Variants in UNC13C observed in about 807,000 individuals in gnomAD.
The protein encoded by UNC13C is protein unc-13 homolog C.
UNC13C carries 174 observed loss-of-function variants against 245.4 expected under a neutral mutation model. That is an observed-to-expected ratio of 0.71 (90% CI 0.63 to 0.80). The LOEUF (loss-of-function observed/expected upper bound fraction) is 0.80, where lower values mean the gene tolerates loss of function less well. Ranked by LOEUF, UNC13C falls within the 30% of genes least tolerant of loss-of-function variation. The probability of loss-of-function intolerance (pLI) is 0.00; values close to 1 mark genes in which losing one functional copy is unlikely to be tolerated. For synonymous variants in UNC13C, 992 were observed against 895.1 expected, an observed-to-expected ratio of 1.11 and a Z score of -1.93; for missense variants, 2,829 against 2,602.9, an observed-to-expected ratio of 1.09 and a Z score of -1.89.
At chr15:54,247,279 G>C (rs556647602) in intron 7 of UNC13C, among the ~76,000 whole-genome samples, 1 of 152,032 alleles carries the variant, frequency 6.6e-6, no homozygotes, top group African/African-American at 2.4e-5. Context: ...TTTATTTAAT[G>C]CTTCTCGCTC....
intron 1 of UNC13C, among the ~76,000 whole-genome samples, chr15:53,985,805 T>G (rs1037474014): frequency 6.6e-6 from 1 of 152,230 alleles, no homozygotes; most frequent in African/African-American, 2.4e-5. Flanking sequence ...GTTCTGAGAC[T>G]ACTACTTTCG....
intron 2 of UNC13C, among the ~76,000 whole-genome samples, chr15:54,085,767 C>T (rs1029069949): frequency 2.6e-5 from 4 of 152,026 alleles, no homozygotes; most frequent in Admixed American, 6.6e-5. Flanking sequence ...AGACAAGGGT[C>T]GGGGTGCTGG....
intron 7 of UNC13C, among the ~76,000 whole-genome samples, chr15:54,243,360 C>T (rs1162605118): frequency 1.3e-5 from 2 of 152,078 alleles, no homozygotes; most frequent in African/African-American, 2.4e-5. Flanking sequence ...GTATATGTAG[C>T]ACATTTTCTT....
At chr15:54,602,400 CCTTA>C (rs1368469924) in intron 30 of UNC13C, among the ~76,000 whole-genome samples, 1 of 152,124 alleles carries the variant, frequency 6.6e-6, no homozygotes, top group African/African-American at 2.4e-5. Context: ...CCTGTGCCCT[CCTTA>C]CTTTCATGGA....
At chr15:54,443,607 A>G (rs1890649994) in intron 19 of UNC13C, among the ~76,000 whole-genome samples, 1 of 151,912 alleles carries the variant, frequency 6.6e-6, no homozygotes, top group East Asian at 1.9e-4. Flanking sequence ...CTGTGTTTCT[A>G]TTTTTATTTG....
intron 19 of UNC13C, among the ~76,000 whole-genome samples, chr15:54,493,296 T>C (rs904959003): frequency 2.0e-5 from 3 of 152,172 alleles, no homozygotes; most frequent in Admixed American, 2.0e-4. Context: ...AAATCTTGTT[T>C]GGGAGTTTGG....
At position 53,978,486 on chromosome 15, in the gene UNC13C, G is replaced by A. The variant is rs533937974; in HGVS notation, c.-698G>A. On this transcript the variant is annotated 5_prime_UTR_variant, in exon 1 of 33. Transcript: ENST00000260323. ...CGGCGATGTGTGAAGTTCCCAGCAC[G>A]CACTCAGCCCGGCTGCTCCTCACCC... Among the ~76,000 whole-genome samples the A allele has an allele frequency of 1.3e-5, 2 of 152,300 alleles. No individual in the cohort carries two copies. Among genetic ancestry groups the A allele is most frequent in the East Asian group, 1.9e-4 (1 of 5,164 alleles).
intron 29 of UNC13C, among the ~76,000 whole-genome samples, chr15:54,555,759 A>G (rs968317270): frequency 1.3e-5 from 2 of 152,068 alleles, no homozygotes; most frequent in Admixed American, 6.6e-5. Context: ...CATCCACAAT[A>G]GACTGTCCTT....
At chr15:54,060,246 A>G (rs996716927) in intron 2 of UNC13C, among the ~76,000 whole-genome samples, 13 of 152,246 alleles carry the variant, frequency 8.5e-5, no homozygotes, top group Admixed American at 4.6e-4. Context: ...TCCAGAATCT[A>G]CAATGAACTC....
chr15:54,391,208 A>G (rs961019900), intron 17 of UNC13C, among the ~76,000 whole-genome samples: 1 of 152,040 alleles, frequency 6.6e-6, no homozygotes, highest in Non-Finnish European at 1.5e-5. Flanking sequence ...TATGTAAGAC[A>G]TATATTTTGG....
rs1286399043 is a variant in UNC13C at position 54,518,438 on chromosome 15, C to T, written c.5457+6608C>T. Reference sequence around the variant, plus strand: ...CACCTCTCTCTGAACCTTAAGAAAACTTAAGGAGAAAGGACACATGCCCCA... The same window carrying T: ...CACCTCTCTCTGAACCTTAAGAAAATTTAAGGAGAAAGGACACATGCCCCA... On this transcript the variant is annotated intron_variant, in intron 24 of 32. Transcript: ENST00000260323. Among the ~76,000 whole-genome samples the T allele has an allele frequency of 2.0e-5, 3 of 152,124 alleles. No individual in the cohort carries two copies. The East Asian group carries it at 5.8e-4, about 29-fold the overall frequency.
At chr15:53,880,183 G>A in the UNC13C span, among the ~76,000 whole-genome samples, 2 of 152,048 alleles carry the variant, frequency 1.3e-5, no homozygotes, top group Admixed American at 6.6e-5. Flanking sequence ...TCTCCGAGAC[G>A]TATTTTCTAG....
At chr15:54,424,613 A>G (rs1352606577) in intron 19 of UNC13C, among the ~76,000 whole-genome samples, 1 of 151,882 alleles carries the variant, frequency 6.6e-6, no homozygotes, top group East Asian at 1.9e-4. Context: ...CATGTGTGTT[A>G]TGCTATCAAG....
At chr15:54,242,585 C>A (rs2140847220) in intron 7 of UNC13C, among the ~76,000 whole-genome samples, 1 of 152,090 alleles carries the variant, frequency 6.6e-6, no homozygotes, top group Middle Eastern at 3.4e-3. Flanking sequence ...TCCTTGTTTT[C>A]TATTTCATTT....
intron 10 of UNC13C, among the ~76,000 whole-genome samples, chr15:54,277,862 G>C (rs1037236393): frequency 6.6e-6 from 1 of 152,098 alleles, no homozygotes; most frequent in Admixed American, 6.6e-5. Context: ...AGAAAAAAAT[G>C]ATACAGTTGG....
At chr15:54,588,407 G>A (rs1298671838) in intron 30 of UNC13C, among the ~76,000 whole-genome samples, 2 of 152,180 alleles carry the variant, frequency 1.3e-5, no homozygotes, top group African/African-American at 4.8e-5. Context: ...GTTGACAGTA[G>A]TGTCCCCTAA....
At chr15:53,876,012 G>T in the UNC13C span, among the ~76,000 whole-genome samples, 1 of 152,160 alleles carries the variant, frequency 6.6e-6, no homozygotes, top group South Asian at 2.1e-4. Flanking sequence ...CAGGGTATGT[G>T]TTCTAAAGTG....
chr15:54,381,754 A>T (rs1006359847), intron 17 of UNC13C, among the ~76,000 whole-genome samples: 2 of 152,164 alleles, frequency 1.3e-5, no homozygotes, highest in African/African-American at 4.8e-5. Flanking sequence ...CTAGATATCT[A>T]AAAAATCTAA....
intron 1 of UNC13C, among the ~76,000 whole-genome samples, chr15:53,993,925 A>G (rs1894502125): frequency 6.6e-6 from 1 of 152,038 alleles, no homozygotes; most frequent in Non-Finnish European, 1.5e-5. Flanking sequence ...GAAGAGAGAG[A>G]TTTTACCTTC....
Sources: gnomAD v4.1 joint callset for allele counts (sites outside exome capture counted in the v4.1 genomes callset) on GRCh38, gnomAD v4.1.1 for gene constraint, MANE v1.5 for transcripts, NCBI Gene and HGNC (gene_info 2026-07-23, HGNC 2026-07-21) for gene names.